Variants in UFSP2 observed in about 807,000 individuals in gnomAD.
UFSP2 encodes UFM1 specific peptidase 2.
Under a neutral mutation model 60.2 loss-of-function variants are expected in UFSP2, and 43 were observed. The ratio of observed to expected loss-of-function variants is 0.71; its 90% CI spans 0.56 to 0.92. The LOEUF is 0.92. Among genes scored for constraint, UFSP2 ranks in the 40% least tolerant of loss-of-function variants. The pLI is 0.00. For synonymous variants in UFSP2, 183 were observed against 195.1 expected (o/e 0.94, Z 0.52); for missense variants, 520 against 575.0 (o/e 0.90, Z 0.98).
chr4:185,406,446 G>T (rs2095520530), intron 9 of UFSP2, among the ~76,000 whole-genome samples: 1 of 152,118 alleles, frequency 6.6e-6, no homozygotes, highest in African/African-American at 2.4e-5. Context: ...ATGAAGGGAG[G>T]TATTTTTTGG....
intron 10 of UFSP2, among the ~76,000 whole-genome samples, chr4:185,405,525 T>A (rs2095519311): frequency 6.6e-6 from 1 of 152,240 alleles, no homozygotes. Context: ...TTTTTAATAC[T>A]GTTCTCAGCT....
chr4:185,421,636 G>C (rs1387172391), intron 2 of UFSP2, among the ~76,000 whole-genome samples: 1 of 152,152 alleles, frequency 6.6e-6, no homozygotes, highest in Non-Finnish European at 1.5e-5. Context: ...CATGCTTTTT[G>C]TACAGTCTGC....
chr4:185,416,013 T>C (rs745746790), intron 4 of UFSP2, 146 bp from the exon 5 acceptor site: 13 of 597,866 alleles, frequency 2.2e-5, no homozygotes, highest in Non-Finnish European at 3.5e-5. Flanking sequence ...GGGGAAAGAG[T>C]AGAGAACAAG....
At chr4:185,413,164 G>A (rs2095532457) in intron 7 of UFSP2, among the ~76,000 whole-genome samples, 1 of 152,088 alleles carries the variant, frequency 6.6e-6, no homozygotes, top group Non-Finnish European at 1.5e-5. Flanking sequence ...AACTAGCCAG[G>A]TGTGGTGGCA....
At chr4:185,415,601 A>C in intron 5 of UFSP2, 109 bp downstream of exon 5, 2 of 1,055,604 alleles carry the variant, frequency 1.9e-6, no homozygotes, top group Non-Finnish European at 2.7e-6. Context: ...TTAGGTTAAT[A>C]ATAAACAAGG....
rs1382607751 is a variant in UFSP2, at chr4:185,408,011, T to C, written c.1046A>G (p.Gln349Arg). 2.5e-6 allele frequency: 4 copies of C among 1,613,990 alleles called. No homozygotes were observed. The highest frequency in any genetic ancestry group is 3.4e-6 in the Non-Finnish European group (4 of 1,179,974). ...CTGCACCTCAATAGATCCAATCCAT[T>C]GCCGCGATCCGACAAATGTTGCTGG... ...DKPATFVGSRQWIGSIEVQLV... is the reference protein window; with the variant it reads ...DKPATFVGSRRWIGSIEVQLV... Residue 349 changes from glutamine to arginine, a missense_variant, in exon 9 of 12, where the codon CAA (glutamine) becomes CGA (arginine). Transcript: ENST00000264689.
intron 10 of UFSP2, among the ~76,000 whole-genome samples, chr4:185,404,828 C>T (rs912104284): frequency 1.3e-5 from 2 of 151,432 alleles, no homozygotes; most frequent in Non-Finnish European, 1.5e-5. Context: ...TCAAGTGATC[C>T]GCCCGCCTCA....
chr4:185,421,228 T>C (rs1458095593), intron 2 of UFSP2, among the ~76,000 whole-genome samples: 1 of 152,204 alleles, frequency 6.6e-6, no homozygotes, highest in Non-Finnish European at 1.5e-5. Flanking sequence ...GTTGAAGGGA[T>C]GGGTGGAAAA....
chr4:185,417,190 A>C (rs1263870563), intron 4 of UFSP2, among the ~76,000 whole-genome samples: 1 of 152,202 alleles, frequency 6.6e-6, no homozygotes, highest in African/African-American at 2.4e-5. Context: ...ATTCCTGCCA[A>C]TAGTGCATGA....
intron 7 of UFSP2, among the ~76,000 whole-genome samples, chr4:185,409,531 A>G (rs1005998195): frequency 2.6e-4 from 40 of 152,122 alleles, no homozygotes; most frequent in Middle Eastern, 3.2e-3. Flanking sequence ...GAGAGGAGAT[A>G]GGGACAAGAT....
chr4:185,424,287 C>G (rs1028531737), intron 1 of UFSP2, among the ~76,000 whole-genome samples: 14 of 152,088 alleles, frequency 9.2e-5, no homozygotes, highest in African/African-American at 2.9e-4. Context: ...GCCTAAGCAA[C>G]AGAGCAAGAT....
chr4:185,419,899 G>T (rs896419123), intron 2 of UFSP2, among the ~76,000 whole-genome samples: 2 of 152,130 alleles, frequency 1.3e-5, no homozygotes, highest in Non-Finnish European at 1.5e-5. Context: ...TTTCTGTGTG[G>T]ATGTGTTTTC....
intron 7 of UFSP2, among the ~76,000 whole-genome samples, chr4:185,411,726 T>C (rs1351317865): frequency 6.6e-6 from 1 of 152,176 alleles, no homozygotes; most frequent in Non-Finnish European, 1.5e-5. Context: ...GTTGCACATA[T>C]GTATCGAGAG....
chr4:185,409,751 T>C (rs919572599), intron 7 of UFSP2, among the ~76,000 whole-genome samples: 4 of 152,198 alleles, frequency 2.6e-5, no homozygotes, highest in African/African-American at 9.7e-5. Flanking sequence ...TTAAGGATCT[T>C]AAGATGGGGA....
In UFSP2 at chr4:185,413,795, C is replaced by T; in HGVS notation, c.762G>A (p.Glu254=). The T allele has an allele frequency of 6.2e-7, 1 of 1,613,540 alleles. No homozygotes were observed. Among genetic ancestry groups the T allele is most frequent in the Non-Finnish European group, 8.5e-7 (1 of 1,179,696 alleles). ...TTCTAATGTAACCATCTTTGTATGG[C>T]TCATCTGGAAAGTGATAAGCATTAG... The part of the protein sequence containing the change: ...KRSNAYHFPD[E]PYKDGYIRNP... The change falls in exon 7 of 12, where the codon GAG becomes GAA. Residue 254 remains glutamate (E), a synonymous_variant. Transcript: ENST00000264689.
chr4:185,401,979 T>A (rs762939988), intron 11 of UFSP2, among the ~76,000 whole-genome samples: 1 of 152,220 alleles, frequency 6.6e-6, no homozygotes, highest in African/African-American at 2.4e-5. Context: ...CTGAGCTTGG[T>A]GTGTCCTTCC....
chr4:185,422,633 A>G, intron 1 of UFSP2, 70 bp from the exon 2 acceptor site: 2 of 1,050,508 alleles, frequency 1.9e-6, no homozygotes, highest in Non-Finnish European at 2.8e-6. Context: ...ATAAATTAGA[A>G]TCTAAGTTTA....
chr4:185,415,498 G>T, intron 5 of UFSP2, 151 bp from the exon 6 acceptor site: 1 of 828,750 alleles, frequency 1.2e-6, no homozygotes, highest in Non-Finnish European at 1.8e-6. Flanking sequence ...AAAAGAAACT[G>T]TGTATTTGCT....
In UFSP2 at chr4:185,400,069, C is replaced by G; in HGVS notation, c.*323G>C. On this transcript the variant is annotated 3_prime_UTR_variant, in exon 12 of 12. Coordinates refer to ENST00000264689, the MANE Select transcript of UFSP2 (RefSeq NM_018359.5). ...AAGAACGCCTTCATTTCATGCAAAT[C>G]TATAAGCTCCTGCTTTTGGCTTTAC... 1 of 1,479,696 alleles carries G rather than the reference C, an allele frequency of 6.8e-7. No homozygotes were observed. Among genetic ancestry groups the G allele is most frequent in the South Asian group, 1.2e-5 (1 of 83,950 alleles). The allele number at this position is 1,479,696 out of a possible 1,614,324, so 91.7% of individuals were successfully genotyped here.
Sources: allele counts gnomAD v4.1 joint callset (sites outside exome capture counted in the v4.1 genomes callset), GRCh38; gene constraint gnomAD v4.1.1; transcripts MANE v1.5; gene names NCBI Gene and HGNC (gene_info 2026-07-23, HGNC 2026-07-21).